The following ARHGAP26 variants were observed in gnomAD, a reference collection of about 807,000 sequenced individuals.
ARHGAP26 encodes rho GTPase-activating protein 26.
In ARHGAP26, 38 loss-of-function variants were observed where a neutral mutation model predicts 104.8. That is an observed-to-expected ratio of 0.36 (90% confidence interval 0.28 to 0.48). The LOEUF is 0.48. Ranked by LOEUF, ARHGAP26 falls within the 20% of genes least tolerant of loss-of-function variation. ARHGAP26 has a pLI of 0.99. For synonymous variants in ARHGAP26, 341 were observed against 340.0 expected, an observed-to-expected ratio of 1.00 and a Z score of -0.03; for missense variants, 704 against 947.9, an observed-to-expected ratio of 0.74 and a Z score of 3.38.
At chr5:143,050,318 C>T (rs567391260) in intron 14 of ARHGAP26, among the ~76,000 whole-genome samples, 21 of 151,698 alleles carry the variant, frequency 1.4e-4, no homozygotes, top group African/African-American at 5.1e-4. Context: ...CTGTTTTTCT[C>T]GTCCTGTAAC....
At chr5:143,004,508 T>G (rs765234450) in intron 11 of ARHGAP26, among the ~76,000 whole-genome samples, 1 of 152,158 alleles carries the variant, frequency 6.6e-6, no homozygotes, top group Non-Finnish European at 1.5e-5. Flanking sequence ...CGGGATGCCT[T>G]CTAGACAGAA....
chr5:143,094,868 CAGGTAATCGGAATGAGTCAGGGTGGAGT>C (rs1792077301), intron 17 of ARHGAP26, among the ~76,000 whole-genome samples: 1 of 151,852 alleles, frequency 6.6e-6, no homozygotes, highest in Admixed American at 6.6e-5. Flanking sequence ...CGGGGTGGAG[CAGGTAATCGGAATGAGTCAGGGTGGAGT>C]AGGTAATCAA....
chr5:142,812,179 A>G (rs1264409112), intron 1 of ARHGAP26, among the ~76,000 whole-genome samples: 1 of 151,774 alleles, frequency 6.6e-6, no homozygotes, highest in Non-Finnish European at 1.5e-5. Context: ...CTGACCTTGC[A>G]GTTGCTGTAA....
chr5:143,022,851 A>G (rs1352091112), intron 12 of ARHGAP26, among the ~76,000 whole-genome samples: 1 of 152,182 alleles, frequency 6.6e-6, no homozygotes, highest in Non-Finnish European at 1.5e-5. Flanking sequence ...AACACTTCAT[A>G]TGCTTGAAAT....
At chr5:143,051,756 T>C (rs1227252295) in intron 14 of ARHGAP26, among the ~76,000 whole-genome samples, 1 of 152,208 alleles carries the variant, frequency 6.6e-6, no homozygotes, top group Non-Finnish European at 1.5e-5. Flanking sequence ...ATTCCTATGG[T>C]TACAGAGCCC....
Position 143,193,649 on chromosome 5 carries a change from G to A in ARHGAP26, c.1989-13549G>A, listed in dbSNP as rs115305253. ...AATTTGCATATGCTAAAGAGAAGCCGTAAAGTGCTTCCTGTAAGTGAAAAG... is the reference window on the plus strand; with the variant it reads ...AATTTGCATATGCTAAAGAGAAGCCATAAAGTGCTTCCTGTAAGTGAAAAG... On this transcript the variant is annotated intron_variant, in intron 20 of 22. Coordinates refer to ENST00000645722, the MANE Select transcript of ARHGAP26 (RefSeq NM_001135608.3). Among the ~76,000 whole-genome samples, 259 of 152,286 alleles carry A rather than the reference G, an allele frequency of 1.7e-3. 2 individuals are homozygous for A. Among genetic ancestry groups the A allele is most frequent in the African/African-American group, 5.8e-3 (240 of 41,534 alleles).
At chr5:143,178,894 G>C (rs968926375) in intron 20 of ARHGAP26, among the ~76,000 whole-genome samples, 4 of 151,084 alleles carry the variant, frequency 2.6e-5, no homozygotes, top group Admixed American at 2.6e-4. Flanking sequence ...TTTTTCCAAG[G>C]AGTCTCACTC....
intron 17 of ARHGAP26, among the ~76,000 whole-genome samples, chr5:143,113,846 G>A (rs1795072162): frequency 6.6e-6 from 1 of 152,138 alleles, no homozygotes; most frequent in Non-Finnish European, 1.5e-5. Flanking sequence ...TTCATTTTGG[G>A]TTGAATTTTC....
intron 1 of ARHGAP26, among the ~76,000 whole-genome samples, chr5:142,835,587 GT>G (rs1769389422): frequency 6.6e-6 from 1 of 152,192 alleles, no homozygotes; most frequent in South Asian, 2.1e-4. Context: ...GGGAAATGGT[GT>G]TTTGGATTTG....
intron 11 of ARHGAP26, among the ~76,000 whole-genome samples, chr5:142,934,925 G>C (rs1003474917): frequency 3.3e-5 from 5 of 152,064 alleles, no homozygotes; most frequent in Non-Finnish European, 7.4e-5. Context: ...GTTAAATTTA[G>C]TTTTAGCATT....
chr5:142,924,731 C>T (rs181159456), intron 10 of ARHGAP26, among the ~76,000 whole-genome samples: 62 of 152,302 alleles, frequency 4.1e-4, no homozygotes, highest in South Asian at 3.3e-3. Flanking sequence ...CATCAGAGCA[C>T]GCATAGTAGT....
intron 10 of ARHGAP26, among the ~76,000 whole-genome samples, chr5:142,929,281 C>T (rs920657218): frequency 6.6e-6 from 1 of 152,056 alleles, no homozygotes; most frequent in Non-Finnish European, 1.5e-5. Context: ...CCTGCCCTGC[C>T]CATTTTTTGC....
intron 1 of ARHGAP26, among the ~76,000 whole-genome samples, chr5:142,846,912 C>T (rs557860125): frequency 2.0e-5 from 3 of 152,186 alleles, no homozygotes; most frequent in African/African-American, 4.8e-5. Context: ...CAGAACCACT[C>T]GGTGTGCTAA....
chr5:143,056,222 G>C (rs1785785818), intron 16 of ARHGAP26, 136 bp downstream of exon 16: 1 of 620,444 alleles, frequency 1.6e-6, no homozygotes, highest in African/African-American at 1.9e-5. Context: ...ATACTCATGA[G>C]ATTCTAACAC....
intron 1 of ARHGAP26, among the ~76,000 whole-genome samples, chr5:142,870,381 CT>C (rs759068383): frequency 5.9e-5 from 9 of 152,122 alleles, no homozygotes; most frequent in Non-Finnish European, 1.3e-4. Context: ...AGAGAGTTCT[CT>C]TTTTAGTGTT....
At chr5:143,029,106 A>G (rs1369852621) in intron 12 of ARHGAP26, among the ~76,000 whole-genome samples, 1 of 152,148 alleles carries the variant, frequency 6.6e-6, no homozygotes, top group East Asian at 1.9e-4. Context: ...AAAACAGGCA[A>G]GCCCTTCTAG....
chr5:143,079,753 T>C (rs1214063147), intron 17 of ARHGAP26, among the ~76,000 whole-genome samples: 1 of 152,210 alleles, frequency 6.6e-6, no homozygotes, highest in Non-Finnish European at 1.5e-5. Flanking sequence ...AGCCTTAGCA[T>C]GGTAACATTG....
At chr5:143,053,165 CA>C (rs1785280974) in intron 14 of ARHGAP26, among the ~76,000 whole-genome samples, 2 of 152,156 alleles carry the variant, frequency 1.3e-5, no homozygotes, top group African/African-American at 4.8e-5. Context: ...CAGCAAACAG[CA>C]AATATCTGTT....
At chr5:143,035,879 T>C (rs1035923310) in intron 12 of ARHGAP26, among the ~76,000 whole-genome samples, 6 of 138,520 alleles carry the variant, frequency 4.3e-5, no homozygotes, top group African/African-American at 1.7e-4. Flanking sequence ...AAGGTTGCAG[T>C]GAGCCAAGAT....
Sources: allele counts gnomAD v4.1 joint callset (sites outside exome capture counted in the v4.1 genomes callset), GRCh38; gene constraint gnomAD v4.1.1; transcripts MANE v1.5; gene names NCBI Gene and HGNC (gene_info 2026-07-23, HGNC 2026-07-21).